Variants in SCIN observed in about 807,000 individuals in gnomAD.
SCIN encodes the protein adseverin.
In SCIN, 91 loss-of-function variants were observed where a neutral mutation model predicts 91.8. That is an observed-to-expected ratio of 0.99 (90% CI 0.84 to 1.18). The LOEUF (loss-of-function observed/expected upper bound fraction) is 1.18. SCIN is among the 50% of genes most tolerant of loss of function. SCIN has a pLI of 0.00. For synonymous variants in SCIN, 367 were observed against 312.6 expected (o/e 1.17, Z -1.84); for missense variants, 1,087 against 863.9 (o/e 1.26, Z -3.24).
chr7:12,586,193 C>T (rs1197673002), intron 3 of SCIN, among the ~76,000 whole-genome samples: 1 of 152,148 alleles, frequency 6.6e-6, no homozygotes, highest in Admixed American at 6.5e-5. Flanking sequence ...CTCATGCAGC[C>T]ACATGTCTAC....
intron 1 of SCIN, among the ~76,000 whole-genome samples, chr7:12,577,362 T>C (rs1301703002): frequency 6.6e-6 from 1 of 152,186 alleles, no homozygotes; most frequent in Non-Finnish European, 1.5e-5. Context: ...AGTTAACATA[T>C]TGACATATCA....
At chr7:12,598,011 G>A (rs969702339) in intron 3 of SCIN, among the ~76,000 whole-genome samples, 1 of 152,126 alleles carries the variant, frequency 6.6e-6, no homozygotes, top group African/African-American at 2.4e-5. Flanking sequence ...ATTTAGTGTT[G>A]AGTTGTTAAA....
chr7:12,641,481 C>T (rs1399031290), intron 11 of SCIN, among the ~76,000 whole-genome samples: 2 of 152,054 alleles, frequency 1.3e-5, no homozygotes, highest in Non-Finnish European at 2.9e-5. Flanking sequence ...GTCCTCTAGA[C>T]CTCTTGTGCT....
intron 11 of SCIN, 137 bp from the exon 12 acceptor site, chr7:12,644,001 A>G: frequency 1.4e-6 from 1 of 728,806 alleles, no homozygotes; most frequent in South Asian, 1.8e-5. Flanking sequence ...GTGGTGTCCC[A>G]GAGCGGCTCT....
rs766258625 is a variant in SCIN at position 12,655,426 on chromosome 7, C to A, written c.*2711C>A. ...AAACTCTTACAAATCAATGAGTCAA[C>A]AACCCAATGGAAAAATGGCCAAAAG... On this transcript the variant is annotated 3_prime_UTR_variant, in exon 16 of 16. Coordinates refer to ENST00000297029, the MANE Select transcript of SCIN (RefSeq NM_001112706.3). 3 of 151,922 alleles carry A rather than the reference C, an allele frequency of 2.0e-5. No homozygotes were observed. The highest frequency in any genetic ancestry group is 2.9e-5 in the Non-Finnish European group (2 of 67,976). 9.4% of individuals were successfully genotyped at this position (151,922 alleles called of 1,614,324 possible).
chr7:12,631,093 A>C (rs1278523200), intron 9 of SCIN, among the ~76,000 whole-genome samples: 1 of 152,250 alleles, frequency 6.6e-6, no homozygotes, highest in Non-Finnish European at 1.5e-5. Flanking sequence ...AGGAATTAAC[A>C]GTTTGCAACC....
At chr7:12,606,826 G>A (rs1783089192) in intron 4 of SCIN, among the ~76,000 whole-genome samples, 1 of 152,006 alleles carries the variant, frequency 6.6e-6, no homozygotes, top group Admixed American at 6.6e-5. Context: ...ATAAAATTAG[G>A]GATGGTTTTA....
chr7:12,575,971 G>T (rs1267234705), intron 1 of SCIN, among the ~76,000 whole-genome samples: 3 of 152,078 alleles, frequency 2.0e-5, no homozygotes, highest in African/African-American at 7.2e-5. Context: ...CATTACATAA[G>T]CATCAGCAAA....
intron 3 of SCIN, among the ~76,000 whole-genome samples, chr7:12,588,317 T>G (rs938615150): frequency 6.6e-6 from 1 of 152,220 alleles, no homozygotes; most frequent in Non-Finnish European, 1.5e-5. Context: ...GGCTTTGACC[T>G]TCAGGTACTG....
intron 5 of SCIN, among the ~76,000 whole-genome samples, chr7:12,624,160 G>A (rs930297417): frequency 3.9e-5 from 6 of 152,132 alleles, no homozygotes; most frequent in African/African-American, 1.4e-4. Context: ...TTCTTAACAA[G>A]GCTGGCAAGC....
intron 8 of SCIN, among the ~76,000 whole-genome samples, chr7:12,627,576 G>T (rs1029493287): frequency 9.9e-5 from 15 of 152,150 alleles, no homozygotes; most frequent in African/African-American, 3.4e-4. Context: ...TTGGACCAAA[G>T]TATATGGTCA....
chr7:12,594,692 G>C (rs950312869), intron 3 of SCIN, among the ~76,000 whole-genome samples: 1 of 152,068 alleles, frequency 6.6e-6, no homozygotes, highest in African/African-American at 2.4e-5. Flanking sequence ...GAATGGAGGA[G>C]GTGAGGGTAG....
intron 3 of SCIN, among the ~76,000 whole-genome samples, chr7:12,582,579 G>A (rs1307604314): frequency 6.6e-6 from 1 of 152,074 alleles, no homozygotes; most frequent in African/African-American, 2.4e-5. Flanking sequence ...ATTACACGTA[G>A]ACATCTACAC....
chr7:12,652,535 C>A lies in SCIN; in HGVS notation c.2021-53C>A, dbSNP rs183267577. On this transcript the variant is annotated intron_variant, in intron 15 of 15. Coordinates refer to ENST00000297029, the MANE Select transcript of SCIN (RefSeq NM_001112706.3). ...TCGAAGAATTTTCAATCTGCAGTTACTTTAGTTTAACCCAAACTAACTGAA... is the reference window on the plus strand; with the variant it reads ...TCGAAGAATTTTCAATCTGCAGTTAATTTAGTTTAACCCAAACTAACTGAA... The A allele has an allele frequency of 1.0e-4, 158 of 1,537,954 alleles. No individual in the cohort carries two copies. The African/African-American group carries it at 1.6e-3, about 15-fold the overall frequency.
Position 12,618,923 on chromosome 7 carries a change from C to G in SCIN, c.667-3878C>G, listed in dbSNP as rs17166235. On this transcript the variant is annotated intron_variant, in intron 4 of 15. Transcript: ENST00000297029. ...TGAGAAGAATGAAATGCCTCATTTT[C>G]TATATAAAGAGCTTTGAAGTAGAGG... 2.2e-3 allele frequency among the ~76,000 whole-genome samples: 330 copies of G among 152,216 alleles called. 6 individuals are homozygous for G. In the East Asian group the frequency reaches 0.038, roughly 18 times the overall value.
intron 4 of SCIN, among the ~76,000 whole-genome samples, chr7:12,607,150 C>T (rs1783094832): frequency 6.6e-6 from 1 of 152,172 alleles, no homozygotes; most frequent in African/African-American, 2.4e-5. Context: ...CAGGGTCACC[C>T]TTGGCCCAAA....
intron 3 of SCIN, among the ~76,000 whole-genome samples, chr7:12,602,469 A>T (rs2115247591): frequency 6.6e-6 from 1 of 152,290 alleles, no homozygotes; most frequent in East Asian, 1.9e-4. Context: ...CCAAAAATTT[A>T]CCAGGCTGGA....
chr7:12,650,259 A>G (rs2115304161), intron 14 of SCIN, among the ~76,000 whole-genome samples: 1 of 152,304 alleles, frequency 6.6e-6, no homozygotes, highest in Middle Eastern at 3.4e-3. Context: ...ATCTACAATG[A>G]CCATGTTTGA....
At chr7:12,601,331 G>C (rs1348214235) in intron 3 of SCIN, among the ~76,000 whole-genome samples, 1 of 152,164 alleles carries the variant, frequency 6.6e-6, no homozygotes, top group Non-Finnish European at 1.5e-5. Context: ...ATGACTCTGG[G>C]CTGGAAATTT....
Sources: gnomAD v4.1 joint callset for allele counts (sites outside exome capture counted in the v4.1 genomes callset) on GRCh38, gnomAD v4.1.1 for gene constraint, MANE v1.5 for transcripts, NCBI Gene and HGNC (gene_info 2026-07-23, HGNC 2026-07-21) for gene names.